The following ZFAT variants were observed in gnomAD, a reference collection of about 807,000 sequenced individuals.
ZFAT encodes zinc finger protein ZFAT.
ZFAT carries 64 observed loss-of-function variants against 117.7 expected under a neutral mutation model. That is an observed-to-expected ratio of 0.54 (90% CI 0.44 to 0.67). ZFAT has a LOEUF of 0.67. ZFAT is among the 30% of genes least tolerant of loss of function. The pLI is 0.00. For missense variants in ZFAT, 1,433 were observed against 1,584.5 expected (o/e 0.90, Z 1.62); for synonymous variants, 679 against 615.0 (o/e 1.10, Z -1.54).
At chr8:134,692,369 C>T (rs1006881639) in intron 1 of ZFAT, among the ~76,000 whole-genome samples, 1 of 152,200 alleles carries the variant, frequency 6.6e-6, no homozygotes, top group African/African-American at 2.4e-5. Flanking sequence ...GAAAGACTCT[C>T]GCTGAAGGGT....
intron 10 of ZFAT, among the ~76,000 whole-genome samples, chr8:134,575,172 C>T (rs1293841178): frequency 1.3e-5 from 2 of 152,136 alleles, no homozygotes; most frequent in Non-Finnish European, 2.9e-5. Context: ...TAATGGCCCT[C>T]CCAAAGATAT....
At chr8:134,718,639 G>A in the ZFAT span, among the ~76,000 whole-genome samples, 1 of 152,178 alleles carries the variant, frequency 6.6e-6, no homozygotes, top group Admixed American at 6.5e-5. Flanking sequence ...AAAACCAGGA[G>A]AGCTACCAGA....
At chr8:134,827,886 A>T in the ZFAT span, among the ~76,000 whole-genome samples, 1 of 152,158 alleles carries the variant, frequency 6.6e-6, no homozygotes, top group African/African-American at 2.4e-5. Context: ...AAATTAAGTG[A>T]CATTTTAAAA....
At chr8:134,633,184 G>A (rs987190613) in intron 3 of ZFAT, among the ~76,000 whole-genome samples, 1 of 144,296 alleles carries the variant, frequency 6.9e-6, no homozygotes, top group Non-Finnish European at 1.5e-5. Context: ...CTATCCAAGC[G>A]AACTGCTGAA....
Position 134,657,546 on chromosome 8 carries a change from C to T in ZFAT, c.196+15G>A, listed in dbSNP as rs182974389. The T allele has an allele frequency of 2.0e-4, 321 of 1,601,724 alleles. No individual in the cohort carries two copies. In the African/African-American group the frequency reaches 3.3e-3, roughly 16 times the overall value. On this transcript the variant is annotated intron_variant, in intron 2 of 15. Coordinates refer to ENST00000377838, the MANE Select transcript of ZFAT (RefSeq NM_020863.4). ...GTGTCAGAAGGTATCCTGCCCCACC[C>T]CCCAGCCCCCTTACCATCTCCGGTT...
chr8:134,716,654 A>G (rs1814214005), upstream of ZFAT, among the ~76,000 whole-genome samples: 1 of 152,242 alleles, frequency 6.6e-6, no homozygotes. Flanking sequence ...CTGAAAGGAC[A>G]AAGGAAGAGG....
intron 12 of ZFAT, among the ~76,000 whole-genome samples, chr8:134,524,150 G>A (rs1005121580): frequency 1.3e-5 from 2 of 152,038 alleles, no homozygotes; most frequent in Non-Finnish European, 2.9e-5. Flanking sequence ...GCTCTCCTTG[G>A]ACTTCTGCAC....
intron 1 of ZFAT, among the ~76,000 whole-genome samples, chr8:134,703,642 G>C (rs1834072849): frequency 6.6e-6 from 1 of 152,230 alleles, no homozygotes; most frequent in African/African-American, 2.4e-5. Flanking sequence ...TTGGAAAGCA[G>C]AGATAATAAG....
intron 10 of ZFAT, among the ~76,000 whole-genome samples, chr8:134,572,173 T>A (rs549113267): frequency 6.6e-6 from 1 of 152,330 alleles, no homozygotes; most frequent in African/African-American, 2.4e-5. Flanking sequence ...AGAATTATTA[T>A]AATATTAATT....
the ZFAT span, among the ~76,000 whole-genome samples, chr8:134,810,936 G>A: frequency 2.0e-5 from 3 of 151,976 alleles, no homozygotes; most frequent in African/African-American, 7.3e-5. Flanking sequence ...AACTAACATG[G>A]GGGGGAAATC....
At chr8:134,619,458 C>T (rs1462265975) in intron 3 of ZFAT, among the ~76,000 whole-genome samples, 5 of 152,112 alleles carry the variant, frequency 3.3e-5, no homozygotes, top group African/African-American at 1.2e-4. Context: ...ACACATCTCA[C>T]AAACACATCT....
chr8:134,541,581 G>A lies in ZFAT; in HGVS notation c.2977-8609C>T, dbSNP rs112285244. On this transcript the variant is annotated intron_variant, in intron 11 of 15. Coordinates refer to ENST00000377838, the MANE Select transcript of ZFAT (RefSeq NM_020863.4). ...AATACAAGCCAATCATCAGTTAATCGTCATTTACCACAAGTAAAGAGACGA... is the reference window on the plus strand; with the variant it reads ...AATACAAGCCAATCATCAGTTAATCATCATTTACCACAAGTAAAGAGACGA... Among the ~76,000 whole-genome samples the A allele has an allele frequency of 8.5e-5, 13 of 152,110 alleles. 1 individual carries two copies. The highest frequency in any genetic ancestry group is 3.9e-4 in the East Asian group (2 of 5,174).
chr8:134,601,480 A>G lies in ZFAT; in HGVS notation c.2239T>C (p.Cys747Arg). The G allele has an allele frequency of 6.2e-7, 1 of 1,605,348 alleles. No individual in the cohort carries two copies. Among genetic ancestry groups the G allele is most frequent in the Non-Finnish European group, 8.5e-7 (1 of 1,173,724 alleles). The change falls in exon 6 of 16, where the codon TGT (cysteine) becomes CGT (arginine). Residue 747 changes from cysteine to arginine, a missense_variant. Around this residue, in one of 5 missense-constraint regions of ZFAT, gnomAD observed 372 missense variants for 355.6 expected, o/e 1.05. Transcript: ENST00000377838. The stretch of plus-strand genomic sequence containing the variant: ...CACCGGCGCTGCCTTTCCTTACCAC[A>G]GTATTCACACTCCAGGTCTCCATAA... ...KVYGDLECEYCGKLFWYQVHF... is the reference protein window; with the variant it reads ...KVYGDLECEYRGKLFWYQVHF...
intron 10 of ZFAT, among the ~76,000 whole-genome samples, chr8:134,578,061 G>A (rs1282715336): frequency 6.6e-6 from 1 of 152,108 alleles, no homozygotes; most frequent in East Asian, 1.9e-4. Context: ...ACTCCAGGAG[G>A]AGGGAAGGGC....
At chr8:134,593,549 G>A (rs1398582717) in intron 7 of ZFAT, among the ~76,000 whole-genome samples, 1 of 152,188 alleles carries the variant, frequency 6.6e-6, no homozygotes, top group Non-Finnish European at 1.5e-5. Context: ...GAGTCTGTTT[G>A]CTCTGACGGA....
intron 1 of ZFAT, among the ~76,000 whole-genome samples, chr8:134,680,480 C>CT (rs1426268339): frequency 6.6e-6 from 1 of 151,844 alleles, no homozygotes; most frequent in South Asian, 2.1e-4. Context: ...ATTTGAGTAC[C>CT]TTTTTTAAAA....
At chr8:134,759,864 G>A in the ZFAT span, among the ~76,000 whole-genome samples, 35 of 151,534 alleles carry the variant, frequency 2.3e-4, no homozygotes, top group Middle Eastern at 3.4e-3. Flanking sequence ...CCAGCTACTC[G>A]GGAGACTGAG....
the ZFAT span, among the ~76,000 whole-genome samples, chr8:134,772,171 G>C: frequency 6.6e-6 from 1 of 152,130 alleles, no homozygotes; most frequent in Non-Finnish European, 1.5e-5. Flanking sequence ...GGCCTCTAAG[G>C]GTTCAAATGA....
At chr8:134,637,754 G>A (rs779343993) in intron 2 of ZFAT, 42 bp from the exon 3 acceptor site, 29 of 1,592,850 alleles carry the variant, frequency 1.8e-5, no homozygotes, top group Middle Eastern at 2.0e-4. Context: ...CACGTGAGAC[G>A]GCAGTGCAGG....
Sources: gnomAD v4.1 joint callset for allele counts (sites outside exome capture counted in the v4.1 genomes callset) on GRCh38, gnomAD v4.1.1 for gene constraint, gnomAD v4.1.1 regional missense constraint, MANE v1.5 for transcripts, NCBI Gene and HGNC (gene_info 2026-07-23, HGNC 2026-07-21) for gene names.